GALNT13: variants seen among roughly 807,000 people sequenced by gnomAD.
GALNT13 encodes polypeptide N-acetylgalactosaminyltransferase 13.
GALNT13 carries 28 observed loss-of-function variants against 64.2 expected under a neutral mutation model. That is an observed-to-expected ratio of 0.44 (90% CI 0.32 to 0.60). GALNT13 has a LOEUF of 0.60. Ranked by LOEUF, GALNT13 falls within the 20% of genes least tolerant of loss-of-function variation. The pLI is 0.05. For missense variants in GALNT13, 577 were observed against 669.8 expected (o/e 0.86, Z 1.53); for synonymous variants, 214 against 224.6 (o/e 0.95, Z 0.42).
chr2:153,206,344 T>G, the GALNT13 span, among the ~76,000 whole-genome samples: 1 of 152,110 alleles, frequency 6.6e-6, no homozygotes, highest in African/African-American at 2.4e-5. Flanking sequence ...ATTTCATGGC[T>G]AAAGGGCTTT....
intron 3 of GALNT13, among the ~76,000 whole-genome samples, chr2:153,997,211 C>T (rs2105208488): frequency 6.6e-6 from 1 of 151,978 alleles, no homozygotes; most frequent in East Asian, 1.9e-4. Flanking sequence ...TGAATGAATG[C>T]CATTGGTGTT....
chr2:154,140,121 A>G (rs571817001), intron 3 of GALNT13, among the ~76,000 whole-genome samples: 1 of 152,210 alleles, frequency 6.6e-6, no homozygotes, highest in South Asian at 2.1e-4. Context: ...ATGTTTAGTC[A>G]TCATATAATT....
chr2:153,319,146 T>A, the GALNT13 span, among the ~76,000 whole-genome samples: 1 of 152,212 alleles, frequency 6.6e-6, no homozygotes. Flanking sequence ...CTTTCAGTAG[T>A]TTTCATCTGT....
chr2:153,672,386 G>A, the GALNT13 span, among the ~76,000 whole-genome samples: 1 of 152,236 alleles, frequency 6.6e-6, no homozygotes, highest in Non-Finnish European at 1.5e-5. Flanking sequence ...TTAGAAATCA[G>A]CATTAAGAAA....
chr2:153,476,003 C>T, the GALNT13 span, among the ~76,000 whole-genome samples: 1 of 152,192 alleles, frequency 6.6e-6, no homozygotes, highest in Non-Finnish European at 1.5e-5. Context: ...CTCCTACTGA[C>T]TACCTATTGA....
intron 12 of GALNT13, among the ~76,000 whole-genome samples, chr2:154,440,482 G>C (rs1164550334): frequency 3.3e-5 from 5 of 151,898 alleles, no homozygotes; most frequent in Admixed American, 2.0e-4. Context: ...GCTTCACATA[G>C]GTAGATAAAT....
chr2:153,951,735 A>G (rs1158410720), intron 3 of GALNT13, among the ~76,000 whole-genome samples: 1 of 152,146 alleles, frequency 6.6e-6, no homozygotes, highest in Non-Finnish European at 1.5e-5. Context: ...GAAGTTGGCT[A>G]TATCCTTAAA....
At chr2:153,636,548 A>G in the GALNT13 span, among the ~76,000 whole-genome samples, 1 of 152,124 alleles carries the variant, frequency 6.6e-6, no homozygotes, top group African/African-American at 2.4e-5. Flanking sequence ...TCCCACCCCA[A>G]TCAAAGACCT....
At chr2:153,247,928 A>G in the GALNT13 span, among the ~76,000 whole-genome samples, 12 of 152,228 alleles carry the variant, frequency 7.9e-5, no homozygotes, top group South Asian at 1.7e-3. Context: ...AAAATACGAT[A>G]AACAGCCCTA....
At chr2:154,336,234 T>C (rs558552769) in intron 9 of GALNT13, among the ~76,000 whole-genome samples, 1 of 152,214 alleles carries the variant, frequency 6.6e-6, no homozygotes, top group East Asian at 1.9e-4. Flanking sequence ...GGTAGAGATA[T>C]TTTAAATAAT....
chr2:154,423,393 G>A (rs1241732240), intron 11 of GALNT13, among the ~76,000 whole-genome samples: 2 of 152,148 alleles, frequency 1.3e-5, no homozygotes, highest in African/African-American at 2.4e-5. Flanking sequence ...TGTCTTTATA[G>A]TAGCATGATT....
At chr2:153,868,758 C>T (rs1320985130), upstream of GALNT13, among the ~76,000 whole-genome samples, 1 of 152,154 alleles carries the variant, frequency 6.6e-6, no homozygotes, top group Non-Finnish European at 1.5e-5. Flanking sequence ...CATTCTTGGC[C>T]TGGTAGCCCT....
the GALNT13 span, among the ~76,000 whole-genome samples, chr2:153,524,555 T>A: frequency 2.0e-5 from 3 of 152,118 alleles, no homozygotes; most frequent in Non-Finnish European, 4.4e-5. Flanking sequence ...CCCATCTCCC[T>A]GCAGTCGTGG....
At chr2:153,454,220 C>T in the GALNT13 span, among the ~76,000 whole-genome samples, 1 of 152,074 alleles carries the variant, frequency 6.6e-6, no homozygotes, top group South Asian at 2.1e-4. Flanking sequence ...ACCTCAGCAT[C>T]ACAAAATATA....
the GALNT13 span, among the ~76,000 whole-genome samples, chr2:153,097,619 TTGTC>T: frequency 6.6e-6 from 1 of 152,246 alleles, no homozygotes; most frequent in Non-Finnish European, 1.5e-5. Context: ...TTGATCTCTT[TTGTC>T]TGTCAGAGCC....
chr2:154,408,027 T>C (rs533207274), intron 10 of GALNT13, among the ~76,000 whole-genome samples: 1 of 152,252 alleles, frequency 6.6e-6, no homozygotes, highest in Admixed American at 6.5e-5. Flanking sequence ...CCAATAATTC[T>C]ACCAACTGAA....
chr2:154,286,757 T>A, intron 8 of GALNT13: 1 of 323,518 alleles, frequency 3.1e-6, no homozygotes, highest in Non-Finnish European at 6.2e-6. Flanking sequence ...GGGACTCACT[T>A]TCTCATGCCA....
chr2:153,944,610 A>T lies in GALNT13; in HGVS notation c.113A>T (p.Lys38Met), dbSNP rs1169339005. The T allele has an allele frequency of 6.2e-7, 1 of 1,613,492 alleles. No homozygotes were observed. The highest frequency in any genetic ancestry group is 8.5e-7 in the Non-Finnish European group (1 of 1,179,582). Residue 38 changes from lysine to methionine, a missense_variant, in exon 3 of 13, where the codon AAG becomes ATG. By Grantham distance (95) the Lys-to-Met change is moderately conservative (BLOSUM62 -1). Around this residue, in one of 3 missense-constraint regions of GALNT13, gnomAD observed 341 missense variants for 379.3 expected, o/e 0.90. Transcript: ENST00000392825. ...FSECNKCDDK[K>M]ERSLLPALRA... ...GAATGTAACAAATGTGATGACAAGA[A>T]GGAGAGATCTCTGCTGCCTGCATTG...
the GALNT13 span, among the ~76,000 whole-genome samples, chr2:153,678,369 CCTT>C: frequency 5.9e-5 from 9 of 152,132 alleles, no homozygotes; most frequent in Admixed American, 5.2e-4. Context: ...AAGATCGTGT[CCTT>C]CTCAGCAACA....
Sources: gnomAD v4.1 joint callset for allele counts (sites outside exome capture counted in the v4.1 genomes callset) on GRCh38, gnomAD v4.1.1 for gene constraint, gnomAD v4.1.1 regional missense constraint, MANE v1.5 for transcripts, NCBI Gene and HGNC (gene_info 2026-07-23, HGNC 2026-07-21) for gene names.